Variants in MCF2L observed in about 807,000 individuals in gnomAD.
The protein encoded by MCF2L is guanine nucleotide exchange factor DBS.
A neutral mutation model predicts 153.4 loss-of-function variants in MCF2L; 97 were observed. The ratio of observed to expected loss-of-function variants is 0.63; its 90% confidence interval spans 0.54 to 0.75. The LOEUF (loss-of-function observed/expected upper bound fraction) is 0.75, where lower values mean the gene tolerates loss of function less well. MCF2L is among the 30% of genes least tolerant of loss of function. MCF2L has a pLI of 0.00. For missense variants in MCF2L, 1,347 were observed against 1,495.2 expected (o/e 0.90, Z 1.64); for synonymous variants, 659 against 632.2 (o/e 1.04, Z -0.64).
intron 2 of MCF2L, among the ~76,000 whole-genome samples, chr13:112,953,244 A>G (rs1184643540): frequency 6.6e-6 from 1 of 152,058 alleles, no homozygotes; most frequent in African/African-American, 2.4e-5. Context: ...GAATGTGGGG[A>G]AGCTCTGGCC....
At chr13:112,989,735 G>A (rs371166067) in intron 1 of MCF2L, among the ~76,000 whole-genome samples, 9 of 151,988 alleles carry the variant, frequency 5.9e-5, no homozygotes, top group Admixed American at 2.0e-4. Flanking sequence ...GAGCTACCAC[G>A]CCTGAGTCCT....
At chr13:113,083,664 T>C (rs542838655) in intron 17 of MCF2L, among the ~76,000 whole-genome samples, 3 of 152,294 alleles carry the variant, frequency 2.0e-5, no homozygotes, top group South Asian at 2.1e-4. Context: ...CGGCCAGTTA[T>C]GGGGGTGGCG....
In MCF2L at chr13:113,044,699, A is replaced by G. The variant is rs1594807561; in HGVS notation, c.279-572A>G. The G allele has an allele frequency of 1.9e-6, 3 of 1,612,732 alleles. No individual in the cohort carries two copies. The East Asian group carries it at 6.7e-5, about 36-fold the overall frequency. On this transcript the variant is annotated intron_variant, in intron 3 of 29. Transcript: ENST00000535094. ...CGAGGACGGAGGCTGTCGTTATACA[A>G]CGCGCAAGTGTGGTCTCTGTCACAG...
rs997984113 is a variant in MCF2L at position 113,074,177 on chromosome 13, G to A, written c.997-267G>A. Among the ~76,000 whole-genome samples the A allele has an allele frequency of 3.3e-5, 5 of 152,230 alleles. No individual in the cohort carries two copies. Among genetic ancestry groups the A allele is most frequent in the East Asian group, 3.9e-4 (2 of 5,180 alleles). On this transcript the variant is annotated intron_variant, in intron 9 of 29. Coordinates refer to ENST00000535094, the MANE Select transcript of MCF2L (RefSeq NM_001112732.3). The surrounding 1 kb of genome is among the most constrained non-coding windows in gnomAD (Gnocchi z 4.2). The stretch of plus-strand genomic sequence containing the variant: ...GTTTTCAGGCGTGTGGTTGATAAAC[G>A]GAGGCACACACAAGCCACAGAGAAA...
Position 112,941,833 on chromosome 13 carries a change from G to A in MCF2L, c.169+39462G>A, listed in dbSNP as rs180709328. On this transcript the variant is annotated intron_variant, in intron 2 of 29. Transcript: ENST00000375608. The surrounding 1 kb of genome is among the most constrained non-coding windows in gnomAD (Gnocchi z 4.9). ...ATCCTTGCTCTACAATCATAACCTAGGAAAAACCAGGCCATACAGAGATAG... is the reference window on the plus strand; with the variant it reads ...ATCCTTGCTCTACAATCATAACCTAAGAAAAACCAGGCCATACAGAGATAG... 6.6e-6 allele frequency among the ~76,000 whole-genome samples: 1 copy of A among 152,190 alleles called. No individual in the cohort carries two copies. Among genetic ancestry groups the A allele is most frequent in the Non-Finnish European group, 1.5e-5 (1 of 68,002 alleles).
At chr13:112,921,003 T>TA (rs35975644) in intron 2 of MCF2L, among the ~76,000 whole-genome samples, 4,580 of 140,900 alleles carry the variant, frequency 0.033, 201 homozygotes, top group African/African-American at 0.11. Context: ...TCATCTCTAC[T>TA]AAAAAAAAAA....
chr13:113,091,344 T>A, intron 26 of MCF2L: 1 of 581,910 alleles, frequency 1.7e-6, no homozygotes, highest in Non-Finnish European at 2.7e-6. Flanking sequence ...GTGTTCAATG[T>A]GTGATGCTCT....
At chr13:113,004,715 C>T (rs1479751830) in intron 1 of MCF2L, among the ~76,000 whole-genome samples, 1 of 152,206 alleles carries the variant, frequency 6.6e-6, no homozygotes, top group Non-Finnish European at 1.5e-5. Context: ...TCTGTGCTCC[C>T]GCAGGGCCAG....
At chr13:113,025,815 T>A (rs1594726596) in intron 3 of MCF2L, among the ~76,000 whole-genome samples, 1 of 148,664 alleles carries the variant, frequency 6.7e-6, no homozygotes, top group Non-Finnish European at 1.5e-5. Context: ...CCCGTGACTG[T>A]GGGTCGGGGC....
chr13:113,010,521 C>T (rs908747241), intron 1 of MCF2L, among the ~76,000 whole-genome samples: 3 of 152,222 alleles, frequency 2.0e-5, no homozygotes, highest in Non-Finnish European at 2.9e-5. Flanking sequence ...AATCTCACCA[C>T]GTCGTCCCCG....
intron 2 of MCF2L, among the ~76,000 whole-genome samples, chr13:112,916,286 A>G (rs1427534446): frequency 6.6e-6 from 1 of 151,218 alleles, no homozygotes; most frequent in Non-Finnish European, 1.5e-5. Context: ...CGGATAGTTT[A>G]TCTATTTATT....
intron 1 of MCF2L, among the ~76,000 whole-genome samples, chr13:112,895,934 T>C (rs2081063458): frequency 2.6e-5 from 4 of 152,064 alleles, no homozygotes; most frequent in African/African-American, 9.7e-5. Flanking sequence ...ACATTGGGTA[T>C]CCCCAAGAAC....
At chr13:113,021,521 G>A (rs2084883632) in intron 2 of MCF2L, among the ~76,000 whole-genome samples, 1 of 152,320 alleles carries the variant, frequency 6.6e-6, no homozygotes, top group Non-Finnish European at 1.5e-5. Context: ...CCCTGGTGCT[G>A]TGTGGACAGG....
At chr13:112,972,436 G>A (rs1355783658) in intron 1 of MCF2L, among the ~76,000 whole-genome samples, 2 of 148,158 alleles carry the variant, frequency 1.3e-5, no homozygotes, top group African/African-American at 5.0e-5. Context: ...ATGGATGGGT[G>A]GGTGGATGAA....
intron 15 of MCF2L, among the ~76,000 whole-genome samples, chr13:113,080,732 C>A: frequency 6.6e-6 from 1 of 152,200 alleles, no homozygotes; most frequent in East Asian, 1.9e-4. Context: ...ATGCCAGACC[C>A]CCGCCCTGGC....
At chr13:112,922,806 G>A (rs1566640099) in intron 2 of MCF2L, among the ~76,000 whole-genome samples, 1 of 152,262 alleles carries the variant, frequency 6.6e-6, no homozygotes, top group Non-Finnish European at 1.5e-5. Flanking sequence ...CTGCACTCCA[G>A]CGTGGGCGAC....
At chr13:113,034,326 G>A (rs2085996637) in intron 3 of MCF2L, among the ~76,000 whole-genome samples, 1 of 151,894 alleles carries the variant, frequency 6.6e-6, no homozygotes, top group African/African-American at 2.4e-5. Flanking sequence ...TTGTAGAGAT[G>A]GGGTTTCACC....
intron 1 of MCF2L, chr13:112,979,315 A>T: frequency 8.4e-7 from 1 of 1,194,142 alleles, no homozygotes; most frequent in Non-Finnish European, 1.0e-6. Context: ...AAGGCCCAGA[A>T]CTTGCACACA....
Position 113,030,520 on chromosome 13 carries a change from T to C in MCF2L, c.278+5762T>C, listed in dbSNP as rs368814671. Among the ~76,000 whole-genome samples the C allele has an allele frequency of 4.4e-4, 38 of 86,508 alleles. No homozygotes were observed. In the East Asian group the frequency reaches 8.7e-3, roughly 20 times the overall value. The allele number at this position is 86,508 out of a possible 152,430, so 56.8% of individuals were successfully genotyped here. A position where few individuals can be genotyped will look rare whatever the true frequency, so the allele number is the denominator to read the frequency against. ...GTGTGGACTCTCAGGTGTCCGCTGA[T>C]GCAGGTGTGGGCCCTCGGGTGTCCA... On this transcript the variant is annotated intron_variant, in intron 3 of 29. Coordinates refer to ENST00000535094, the MANE Select transcript of MCF2L (RefSeq NM_001112732.3).
Sources: gnomAD v4.1 joint callset for allele counts (sites outside exome capture counted in the v4.1 genomes callset) on GRCh38, gnomAD v4.1.1 for gene constraint, Gnocchi (gnomAD v3.1) non-coding constraint, MANE v1.5 for transcripts, NCBI Gene and HGNC (gene_info 2026-07-23, HGNC 2026-07-21) for gene names.